The following RFX3 variants were observed in gnomAD, a reference collection of about 807,000 sequenced individuals.
RFX3 encodes transcription factor RFX3.
RFX3 carries 14 observed loss-of-function variants against 98.6 expected under a neutral mutation model. The ratio of observed to expected loss-of-function variants is 0.14; its 90% CI spans 0.09 to 0.22. The LOEUF (loss-of-function observed/expected upper bound fraction) is 0.22. Among genes scored for constraint, RFX3 ranks in the 10% least tolerant of loss-of-function variants. The probability of loss-of-function intolerance (pLI) is 1.00; values close to 1 mark genes in which losing one functional copy is unlikely to be tolerated. For synonymous variants in RFX3, 383 were observed against 328.4 expected, an observed-to-expected ratio of 1.17 and a Z score of -1.80; for missense variants, 639 against 926.9, an observed-to-expected ratio of 0.69 and a Z score of 4.03.
intron 13 of RFX3, among the ~76,000 whole-genome samples, chr9:3,260,728 A>G (rs1416070100): frequency 1.3e-5 from 2 of 151,618 alleles, no homozygotes; most frequent in African/African-American, 4.8e-5. Flanking sequence ...GGAAATATGT[A>G]AAGTAAATGG....
intron 15 of RFX3, among the ~76,000 whole-genome samples, chr9:3,238,891 G>T (rs571141009): frequency 1.3e-5 from 2 of 151,926 alleles, no homozygotes; most frequent in South Asian, 4.2e-4. Flanking sequence ...TACTCGGGAG[G>T]CTGAGGCAGG....
intron 4 of RFX3, among the ~76,000 whole-genome samples, chr9:3,327,876 G>A (rs932591771): frequency 1.4e-5 from 2 of 147,044 alleles, no homozygotes; most frequent in East Asian, 1.9e-4. Context: ...TACATAGAAA[G>A]TGTATACCTT....
intron 5 of RFX3, among the ~76,000 whole-genome samples, chr9:3,300,486 TC>T (rs1212632869): frequency 6.6e-6 from 1 of 151,692 alleles, no homozygotes; most frequent in Non-Finnish European, 1.5e-5. Context: ...TTTTCAAAGA[TC>T]AAATACTTAA....
intron 2 of RFX3, among the ~76,000 whole-genome samples, chr9:3,375,050 A>T (rs1838305118): frequency 6.6e-6 from 1 of 152,232 alleles, no homozygotes; most frequent in South Asian, 2.1e-4. Flanking sequence ...TGTACATTAT[A>T]AACATTAATC....
At chr9:3,504,213 ATATAC>A (rs1421490208) in intron 1 of RFX3, among the ~76,000 whole-genome samples, 1 of 117,014 alleles carries the variant, frequency 8.5e-6, no homozygotes, top group African/African-American at 4.3e-5. Context: ...TATATATATT[ATATAC>A]TATATTATAT....
chr9:3,331,908 T>C (rs1425069551), intron 3 of RFX3, among the ~76,000 whole-genome samples: 2 of 152,144 alleles, frequency 1.3e-5, no homozygotes, highest in African/African-American at 4.8e-5. Flanking sequence ...TCATCACTAC[T>C]CAGAACTCCC....
chr9:3,479,558 T>G (rs1849565915), intron 1 of RFX3, among the ~76,000 whole-genome samples: 1 of 152,142 alleles, frequency 6.6e-6, no homozygotes, highest in Non-Finnish European at 1.5e-5. Context: ...ATTTATCACA[T>G]CTTTCCTGTT....
intron 1 of RFX3, among the ~76,000 whole-genome samples, chr9:3,504,201 A>T (rs1033671391): frequency 9.3e-6 from 1 of 107,880 alleles, no homozygotes; most frequent in African/African-American, 4.7e-5. Context: ...TATTATATAT[A>T]TTATATATAT....
At chr9:3,322,727 C>T (rs879324098) in intron 4 of RFX3, among the ~76,000 whole-genome samples, 7 of 151,908 alleles carry the variant, frequency 4.6e-5, no homozygotes, top group African/African-American at 9.7e-5. Context: ...AGTGAGACTC[C>T]ATCTCGAAAG....
At chr9:3,433,135 C>T (rs1587661532) in intron 1 of RFX3, among the ~76,000 whole-genome samples, 2 of 152,208 alleles carry the variant, frequency 1.3e-5, no homozygotes, top group East Asian at 3.9e-4. Flanking sequence ...GTATTTTTAT[C>T]TGCATTTGGT....
intron 1 of RFX3, among the ~76,000 whole-genome samples, chr9:3,419,134 A>C (rs1843229406): frequency 6.6e-6 from 1 of 152,176 alleles, no homozygotes. Context: ...AACAATTTCC[A>C]TTTGGTTTAA....
At chr9:3,338,727 C>T (rs568012636) in intron 3 of RFX3, among the ~76,000 whole-genome samples, 33 of 152,266 alleles carry the variant, frequency 2.2e-4, no homozygotes, top group African/African-American at 7.5e-4. Context: ...CTTTGGGAAC[C>T]ATTGTACTAG....
intron 1 of RFX3, among the ~76,000 whole-genome samples, chr9:3,403,033 T>C (rs1841623107): frequency 6.6e-6 from 1 of 152,072 alleles, no homozygotes; most frequent in African/African-American, 2.4e-5. Flanking sequence ...ATTTTAAACA[T>C]ATGTTTAGTC....
chr9:3,353,277 G>A (rs538672700), intron 2 of RFX3, among the ~76,000 whole-genome samples: 121 of 151,704 alleles, frequency 8.0e-4, no homozygotes, highest in Middle Eastern at 3.4e-3. Context: ...CAGCACACCA[G>A]CATGGCACAT....
chr9:3,487,576 C>A (rs758908857), intron 1 of RFX3, among the ~76,000 whole-genome samples: 1 of 152,098 alleles, frequency 6.6e-6, no homozygotes, highest in Non-Finnish European at 1.5e-5. Flanking sequence ...CTTTGATCAT[C>A]ACTTCTAGCA....
At chr9:3,525,350 C>G (rs1419187989) in intron 1 of RFX3, among the ~76,000 whole-genome samples, 1 of 152,188 alleles carries the variant, frequency 6.6e-6, no homozygotes, top group East Asian at 1.9e-4. Flanking sequence ...AAAGAAAGAA[C>G]AAATTCTTAT....
At chr9:3,247,842 A>C (rs1473570533) in intron 15 of RFX3, 190 bp downstream of exon 15, 1 of 1,605,380 alleles carries the variant, frequency 6.2e-7, no homozygotes. Context: ...ACAATTTTAG[A>C]ATCTTTTGAT....
rs200179899 is a variant in RFX3, at chr9:3,316,773, A to T, written c.474+13486T>A. Among the ~76,000 whole-genome samples the T allele has an allele frequency of 2.7e-3, 407 of 152,228 alleles. 2 individuals are homozygous for T. Among genetic ancestry groups the T allele is most frequent in the African/African-American group, 9.3e-3 (387 of 41,556 alleles). The stretch of plus-strand genomic sequence containing the variant: ...TGAATGAACTCCCATTCACAATTGC[A>T]TCAAAGAGAATAAAATACCTAGGAA... On this transcript the variant is annotated intron_variant, in intron 4 of 16. Coordinates refer to ENST00000617270, the MANE Select transcript of RFX3 (RefSeq NM_001282116.2).
chr9:3,302,477 C>A (rs1563890254), intron 4 of RFX3, among the ~76,000 whole-genome samples: 2 of 151,718 alleles, frequency 1.3e-5, no homozygotes, highest in African/African-American at 2.4e-5. Flanking sequence ...AAAACAGGTA[C>A]TGAACACCAT....
Sources: allele counts gnomAD v4.1 joint callset (sites outside exome capture counted in the v4.1 genomes callset), GRCh38; gene constraint gnomAD v4.1.1; transcripts MANE v1.5; gene names NCBI Gene and HGNC (gene_info 2026-07-23, HGNC 2026-07-21).